SRD5A2: variants seen among roughly 807,000 people sequenced by gnomAD.
SRD5A2 encodes 3-oxo-5-alpha-steroid 4-dehydrogenase 2.
Under a neutral mutation model 27.4 loss-of-function variants are expected in SRD5A2, and 30 were observed. The ratio of observed to expected loss-of-function variants is 1.10; its 90% CI spans 0.82 to 1.49. The LOEUF is 1.49. Among genes scored for constraint, SRD5A2 ranks in the 40% most tolerant of loss-of-function variants. The pLI, the probability that SRD5A2 is intolerant of heterozygous loss-of-function variation, is 0.00. For missense variants in SRD5A2, 348 were observed against 323.4 expected (o/e 1.08, Z -0.58); for synonymous variants, 141 against 133.6 (o/e 1.06, Z -0.38).
chr2:31,566,645 T>C (rs934290985), intron 1 of SRD5A2, among the ~76,000 whole-genome samples: 2 of 152,214 alleles, frequency 1.3e-5, no homozygotes, highest in African/African-American at 4.8e-5. Context: ...AATAGAAAGA[T>C]GACAATTTCA....
At position 31,528,650 on chromosome 2, in the gene SRD5A2, C is replaced by T. The variant is rs117111039; in HGVS notation, c.698+657G>A. Among the ~76,000 whole-genome samples the T allele has an allele frequency of 9.9e-3, 1,502 of 152,220 alleles. 21 individuals are homozygous for T. Among genetic ancestry groups the T allele is most frequent in the South Asian group, 0.045 (216 of 4,820 alleles). Reference sequence around the variant, plus strand: ...GGGCATGGTGGTGGGCCTGTAGTCTCAGCCATTTGGAAGGCTGAGGTGGGA... The same window carrying T: ...GGGCATGGTGGTGGGCCTGTAGTCTTAGCCATTTGGAAGGCTGAGGTGGGA... On this transcript the variant is annotated intron_variant, in intron 4 of 4. Transcript: ENST00000622030.
intron 1 of SRD5A2, among the ~76,000 whole-genome samples, chr2:31,556,346 T>C (rs1666494516): frequency 6.6e-6 from 1 of 152,166 alleles, no homozygotes; most frequent in Non-Finnish European, 1.5e-5. Context: ...GGTTGAATGG[T>C]AGACCCCAAA....
chr2:31,552,136 C>T (rs573075854), intron 1 of SRD5A2, among the ~76,000 whole-genome samples: 2 of 151,032 alleles, frequency 1.3e-5, no homozygotes, highest in East Asian at 3.9e-4. Flanking sequence ...CCTCATTATT[C>T]CACAGAAACA....
At chr2:31,573,721 T>C (rs556801395) in intron 1 of SRD5A2, among the ~76,000 whole-genome samples, 2 of 152,176 alleles carry the variant, frequency 1.3e-5, no homozygotes, top group African/African-American at 2.4e-5. Flanking sequence ...GAGCAGGACC[T>C]GCCAAAGGAT....
the SRD5A2 span, among the ~76,000 whole-genome samples, chr2:31,625,727 T>C: frequency 6.6e-6 from 1 of 152,182 alleles, no homozygotes; most frequent in Admixed American, 6.5e-5. Flanking sequence ...TATATCTCTG[T>C]TTTGGTATCA....
upstream of SRD5A2, among the ~76,000 whole-genome samples, chr2:31,583,620 AAAAAAAAAC>A (rs767911044): frequency 1.9e-3 from 211 of 112,210 alleles, 1 homozygote; most frequent in Middle Eastern, 4.7e-3. Context: ...CCAGGAAAAA[AAAAAAAAAC>A]AAAAAAAAAG....
intron 3 of SRD5A2, 64 bp downstream of exon 3, chr2:31,531,307 A>G: frequency 8.2e-7 from 1 of 1,226,074 alleles, no homozygotes; most frequent in Non-Finnish European, 1.2e-6. Context: ...ATCTGCTACC[A>G]TAGCATCATC....
chr2:31,656,261 TTAA>T, the SRD5A2 span, among the ~76,000 whole-genome samples: 3 of 152,214 alleles, frequency 2.0e-5, no homozygotes, highest in East Asian at 5.8e-4. Flanking sequence ...GTTTGATTCA[TTAA>T]TGCTTTCCTT....
chr2:31,553,307 A>G (rs907412414), intron 1 of SRD5A2, among the ~76,000 whole-genome samples: 1 of 152,156 alleles, frequency 6.6e-6, no homozygotes, highest in Non-Finnish European at 1.5e-5. Context: ...AAATATATAC[A>G]TTATGGTGAT....
chr2:31,589,453 C>G, the SRD5A2 span, among the ~76,000 whole-genome samples: 1 of 152,252 alleles, frequency 6.6e-6, no homozygotes, highest in Non-Finnish European at 1.5e-5. Context: ...TCCTTCTCCC[C>G]TCTGCCCGGA....
At position 31,529,380 on chromosome 2, in the gene SRD5A2, A is replaced by G. The variant is rs1665854796; in HGVS notation, c.625T>C (p.Trp209Arg). Residue 209 changes from tryptophan (W) to arginine (R), a missense_variant, in exon 4 of 5, where the codon TGG (tryptophan) becomes CGG (arginine). Physicochemically the swap from Trp to Arg is moderately radical, Grantham distance 101. Transcript: ENST00000622030. Reference protein sequence around the residue: ...IEWIGYALATWSLPALAFAFF... With the variant: ...IEWIGYALATRSLPALAFAFF... ...GCAAATGCAAGTGCTGGGAGGGACC[A>G]AGTGGCCAGGGCATAGCCGATCCAT... 1.9e-6 allele frequency: 3 copies of G among 1,613,864 alleles called. No homozygotes were observed. Among genetic ancestry groups the G allele is most frequent in the Non-Finnish European group, 2.5e-6 (3 of 1,179,866 alleles).
At chr2:31,590,693 C>T in the SRD5A2 span, among the ~76,000 whole-genome samples, 3 of 152,136 alleles carry the variant, frequency 2.0e-5, no homozygotes, top group Non-Finnish European at 4.4e-5. Context: ...TACAAGGCTA[C>T]AGTAACCAAA....
the SRD5A2 span, among the ~76,000 whole-genome samples, chr2:31,619,207 G>C: frequency 2.6e-5 from 4 of 152,210 alleles, no homozygotes; most frequent in African/African-American, 9.6e-5. Flanking sequence ...CTCATACACT[G>C]TTAGTGGGGA....
the SRD5A2 span, among the ~76,000 whole-genome samples, chr2:31,661,674 C>T: frequency 1.2e-4 from 18 of 152,138 alleles, no homozygotes; most frequent in Non-Finnish European, 1.5e-4. Context: ...TTACCCTGTT[C>T]GGGATTCTCC....
the SRD5A2 span, among the ~76,000 whole-genome samples, chr2:31,644,762 C>G: frequency 6.6e-6 from 1 of 152,134 alleles, no homozygotes; most frequent in African/African-American, 2.4e-5. Context: ...CATCATAATC[C>G]ATAAATGTTA....
upstream of SRD5A2, chr2:31,581,095 C>A: frequency 1.6e-6 from 1 of 608,942 alleles, no homozygotes; most frequent in Non-Finnish European, 2.8e-6. Flanking sequence ...AGGATGCAGC[C>A]GCGGTGGCCG....
At chr2:31,550,695 A>G (rs1666365510) in intron 1 of SRD5A2, among the ~76,000 whole-genome samples, 2 of 152,098 alleles carry the variant, frequency 1.3e-5, no homozygotes, top group South Asian at 4.1e-4. Context: ...TCTATTAATG[A>G]TAAAATTATA....
At chr2:31,528,469 C>A (rs987928772) in intron 4 of SRD5A2, among the ~76,000 whole-genome samples, 1 of 152,170 alleles carries the variant, frequency 6.6e-6, no homozygotes, top group African/African-American at 2.4e-5. Context: ...GCCTGCTGTG[C>A]CTCAGAACAT....
chr2:31,646,901 C>G, the SRD5A2 span, among the ~76,000 whole-genome samples: 3 of 152,164 alleles, frequency 2.0e-5, no homozygotes, highest in African/African-American at 2.4e-5. Context: ...AATCCCAACA[C>G]TTTGGGAGGT....
Sources: allele counts gnomAD v4.1 joint callset (sites outside exome capture counted in the v4.1 genomes callset), GRCh38; gene constraint gnomAD v4.1.1; transcripts MANE v1.5; gene names NCBI Gene and HGNC (gene_info 2026-07-23, HGNC 2026-07-21).